The following SMARCA2 variants were observed in gnomAD, a reference collection of about 807,000 sequenced individuals.
The protein encoded by SMARCA2 is SWI/SNF-related matrix-associated actin-dependent regulator of chromatin subfamily A member 2.
SMARCA2 carries 61 observed loss-of-function variants against 199.8 expected under a neutral mutation model. That is an observed-to-expected ratio of 0.31 (90% CI 0.25 to 0.38). The LOEUF (loss-of-function observed/expected upper bound fraction) is 0.38. Among genes scored for constraint, SMARCA2 ranks in the 10% least tolerant of loss-of-function variants. The probability of loss-of-function intolerance (pLI) is 1.00; values close to 1 mark genes in which losing one functional copy is unlikely to be tolerated. For synonymous variants in SMARCA2, 935 were observed against 732.0 expected, an observed-to-expected ratio of 1.28 and a Z score of -4.48; for missense variants, 1,344 against 2,012.2, an observed-to-expected ratio of 0.67 and a Z score of 6.35.
At position 2,039,521 on chromosome 9, in the gene SMARCA2, T is replaced by A; in HGVS notation, c.411T>A (p.Pro137=). Residue 137 remains proline (P), a synonymous_variant, in exon 4 of 34, where the codon CCT becomes CCA. Transcript: ENST00000349721. This position sits in a 1 kb window ranked among gnomAD's most constrained non-coding sequence, Gnocchi z 4.8. ...PLGAPEHVSS[P]MSGGGPTPPQ... is the part of the protein sequence containing the mutation. Reference sequence around the variant, plus strand: ...GAGCCCCAGAGCACGTCTCCAGCCCTATGTCTGGAGGAGGCCCAACTCCAC... The same window carrying A: ...GAGCCCCAGAGCACGTCTCCAGCCCAATGTCTGGAGGAGGCCCAACTCCAC... 6.2e-7 allele frequency: 1 copy of A among 1,614,126 alleles called. No homozygotes were observed. The highest frequency in any genetic ancestry group is 2.2e-5 in the East Asian group (1 of 44,872).
chr9:2,169,503 C>T lies in SMARCA2; in HGVS notation c.4200-916C>T, dbSNP rs913493900. Among the ~76,000 whole-genome samples, 17 of 152,152 alleles carry T rather than the reference C, an allele frequency of 1.1e-4. No individual in the cohort carries two copies. The highest frequency in any genetic ancestry group is 2.1e-4 in the South Asian group (1 of 4,830). The stretch of plus-strand genomic sequence containing the variant: ...CTGTGTATTTTGAAGCGAGCACATG[C>T]GCTTCCACCCCTCTGTTGATTTGTT... On this transcript the variant is annotated intron_variant, in intron 28 of 33. Transcript: ENST00000349721. The surrounding 1 kb of genome is among the most constrained non-coding windows in gnomAD (Gnocchi z 6.5).
chr9:2,032,681 A>G (rs1819122863), intron 2 of SMARCA2: 1 of 282,922 alleles, frequency 3.5e-6, no homozygotes, highest in Non-Finnish European at 6.6e-6. Flanking sequence ...CCTTGTGACC[A>G]GGACTTCATT....
At chr9:2,061,059 C>CT in intron 9 of SMARCA2, 73 bp downstream of exon 9, 6 of 1,358,356 alleles carry the variant, frequency 4.4e-6, no homozygotes, top group Non-Finnish European at 6.1e-6. Flanking sequence ...GAGTATTGCT[C>CT]TTTAAGTACT....
intron 29 of SMARCA2, among the ~76,000 whole-genome samples, chr9:2,180,025 T>G (rs1312788130): frequency 6.6e-6 from 1 of 152,184 alleles, no homozygotes; most frequent in Non-Finnish European, 1.5e-5. Flanking sequence ...GTAAATAAAA[T>G]AGTTCTTGTC....
At chr9:2,105,389 G>T (rs1822707887) in intron 23 of SMARCA2, among the ~76,000 whole-genome samples, 1 of 151,714 alleles carries the variant, frequency 6.6e-6, no homozygotes, top group Non-Finnish European at 1.5e-5. Flanking sequence ...GGGATTACAG[G>T]CATGTGCCAC....
intron 4 of SMARCA2, chr9:2,040,815 T>G (rs1819572951): frequency 6.6e-6 from 1 of 152,304 alleles, no homozygotes; most frequent in Admixed American, 6.5e-5. Context: ...GGCCTCTTGG[T>G]CTTCTGTCTT....
chr9:2,054,384 T>C (rs1028326382), intron 5 of SMARCA2, among the ~76,000 whole-genome samples: 4 of 152,246 alleles, frequency 2.6e-5, no homozygotes, highest in African/African-American at 9.6e-5. Context: ...GGAAGCCACA[T>C]TGTTAAGTAA....
At chr9:2,094,640 A>G (rs756181429) in intron 19 of SMARCA2, among the ~76,000 whole-genome samples, 2 of 152,210 alleles carry the variant, frequency 1.3e-5, no homozygotes, top group Non-Finnish European at 2.9e-5. Context: ...TTCAAATCCT[A>G]ACTGTGCCAT....
chr9:2,087,112 A>C (rs1413854920), intron 18 of SMARCA2, 41 bp downstream of exon 18: 1 of 1,610,860 alleles, frequency 6.2e-7, no homozygotes, highest in Non-Finnish European at 8.5e-7. Flanking sequence ...CATGATAATG[A>C]CATGAAATGA....
chr9:2,085,707 C>T (rs774258615), intron 17 of SMARCA2: 1 of 151,716 alleles, frequency 6.6e-6, no homozygotes, highest in East Asian at 1.9e-4. Context: ...GATTTTATTC[C>T]TTTTCTCCTG....
At chr9:2,019,867 C>G (rs1416927664) in intron 1 of SMARCA2, among the ~76,000 whole-genome samples, 3 of 150,284 alleles carry the variant, frequency 2.0e-5, no homozygotes, top group Non-Finnish European at 3.0e-5. Flanking sequence ...AGGCCTTTGT[C>G]AAACTCTTCT....
chr9:2,071,152 C>T (rs1047499072), intron 10 of SMARCA2, among the ~76,000 whole-genome samples: 1 of 152,150 alleles, frequency 6.6e-6, no homozygotes. Context: ...TTCTGATAAA[C>T]CTACTTGGAG....
rs1254538081 is a variant in SMARCA2 at position 2,076,339 on chromosome 9, G to C, written c.2036+10G>C. The C allele has an allele frequency of 1.3e-6, 2 of 1,487,300 alleles. No homozygotes were observed. Among genetic ancestry groups the C allele is most frequent in the Non-Finnish European group, 1.9e-6 (2 of 1,067,228 alleles). The allele number at this position is 1,487,300 out of a possible 1,614,324, so 92.1% of individuals were successfully genotyped here. On this transcript the variant is annotated intron_variant, in intron 13 of 33. Coordinates refer to ENST00000349721, the MANE Select transcript of SMARCA2 (RefSeq NM_003070.5). ...CTAAGCAGATCATTGAGTATGTACT[G>C]CATTTTTCCCTTGGAAATGCATTGC...
intron 28 of SMARCA2, among the ~76,000 whole-genome samples, chr9:2,167,351 G>C (rs933361046): frequency 2.0e-5 from 3 of 152,238 alleles, no homozygotes; most frequent in African/African-American, 7.2e-5. Flanking sequence ...AGTGAATAGG[G>C]TGTCATCACC....
intron 28 of SMARCA2, among the ~76,000 whole-genome samples, 167 bp downstream of exon 28, chr9:2,162,070 C>A (rs369970871): frequency 2.0e-5 from 3 of 152,206 alleles, no homozygotes; most frequent in East Asian, 1.9e-4. Flanking sequence ...GCCACTGTTG[C>A]TATTTTGTAT....
chr9:2,026,581 A>C (rs1490310689), intron 1 of SMARCA2, among the ~76,000 whole-genome samples: 4 of 152,214 alleles, frequency 2.6e-5, no homozygotes, highest in Non-Finnish European at 5.9e-5. Flanking sequence ...AATTATATTA[A>C]ACGTAGGAAT....
At chr9:2,046,033 G>C (rs979202824) in intron 4 of SMARCA2, 38 of 152,106 alleles carry the variant, frequency 2.5e-4, no homozygotes, top group Admixed American at 2.4e-3. Context: ...GTATGTCGTT[G>C]TATGGTTAAT....
chr9:2,041,177 G>A (rs1338161486), intron 4 of SMARCA2: 1 of 395,214 alleles, frequency 2.5e-6, no homozygotes, highest in African/African-American at 2.1e-5. Context: ...TTTATTTTCT[G>A]GTAGAGGCAG....
chr9:2,107,351 G>T (rs1822800834), intron 23 of SMARCA2, among the ~76,000 whole-genome samples: 1 of 152,128 alleles, frequency 6.6e-6, no homozygotes, highest in African/African-American at 2.4e-5. Flanking sequence ...TATTGAGACG[G>T]AGTCTCGCTC....
Sources: allele counts gnomAD v4.1 joint callset (sites outside exome capture counted in the v4.1 genomes callset), GRCh38; gene constraint gnomAD v4.1.1; non-coding constraint Gnocchi (gnomAD v3.1); transcripts MANE v1.5; gene names NCBI Gene and HGNC (gene_info 2026-07-23, HGNC 2026-07-21).